The following NMNAT1 variants were observed in gnomAD, a reference collection of about 807,000 sequenced individuals.
NMNAT1 encodes nicotinamide/nicotinic acid mononucleotide adenylyltransferase 1.
A neutral mutation model predicts 16.7 loss-of-function variants in NMNAT1; 11 were observed. The ratio of observed to expected loss-of-function variants is 0.66; its 90% CI spans 0.41 to 1.09. NMNAT1 has a LOEUF of 1.09. NMNAT1 is among the 50% of genes least tolerant of loss of function. NMNAT1 has a pLI of 0.00. For synonymous variants in NMNAT1, 110 were observed against 119.8 expected, an observed-to-expected ratio of 0.92 and a Z score of 0.53; for missense variants, 280 against 332.3, an observed-to-expected ratio of 0.84 and a Z score of 1.22.
chr1:9,975,373 C>T (rs899960163), intron 2 of NMNAT1, among the ~76,000 whole-genome samples: 3 of 151,998 alleles, frequency 2.0e-5, no homozygotes, highest in African/African-American at 4.8e-5. Context: ...TGGTGGCATG[C>T]GCCCGTAATC....
At chr1:9,944,508 G>GTT (rs199503702) in intron 1 of NMNAT1, among the ~76,000 whole-genome samples, 2 of 151,462 alleles carry the variant, frequency 1.3e-5, no homozygotes, top group African/African-American at 4.8e-5. Flanking sequence ...CATCAGGGCA[G>GTT]TTTTTTTTTA....
At chr1:9,960,545 C>T (rs531053757) in intron 1 of NMNAT1, among the ~76,000 whole-genome samples, 12 of 152,236 alleles carry the variant, frequency 7.9e-5, no homozygotes, top group East Asian at 3.9e-4. Flanking sequence ...CAGGCCAAAA[C>T]GCAGTGGCTC....
At chr1:9,972,934 C>A (rs889885696) in intron 2 of NMNAT1, among the ~76,000 whole-genome samples, 1 of 152,132 alleles carries the variant, frequency 6.6e-6, no homozygotes, top group Non-Finnish European at 1.5e-5. Flanking sequence ...GCCCACCAGC[C>A]TGGACATCAG....
chr1:9,995,714 A>G, the NMNAT1 span, among the ~76,000 whole-genome samples: 1 of 151,760 alleles, frequency 6.6e-6, no homozygotes, highest in African/African-American at 2.4e-5. Flanking sequence ...ATAGAATAAA[A>G]TAAAATAAAA....
At chr1:9,946,055 T>G (rs1211276477) in intron 1 of NMNAT1, among the ~76,000 whole-genome samples, 2 of 152,120 alleles carry the variant, frequency 1.3e-5, no homozygotes, top group African/African-American at 4.8e-5. Context: ...CACCCAGCCT[T>G]CCCCTAATTT....
At chr1:9,968,080 G>GTTTTTTTTTTTTTTTTTTTTT (rs6143117) in intron 1 of NMNAT1, among the ~76,000 whole-genome samples, 1 of 117,774 alleles carries the variant, frequency 8.5e-6, no homozygotes, top group Non-Finnish European at 1.7e-5. Context: ...TTTTTTTTTT[G>GTTTTTTTTTTTTTTTTTTTTT]TTTTTTTTTG....
intron 1 of NMNAT1, among the ~76,000 whole-genome samples, chr1:9,955,221 G>A (rs1641226018): frequency 6.6e-6 from 1 of 152,022 alleles, no homozygotes; most frequent in Non-Finnish European, 1.5e-5. Flanking sequence ...TGGCCAACAT[G>A]GTGAAACCTC....
At chr1:9,968,400 T>G (rs923415990) in intron 1 of NMNAT1, among the ~76,000 whole-genome samples, 1 of 151,394 alleles carries the variant, frequency 6.6e-6, no homozygotes, top group Non-Finnish European at 1.5e-5. Context: ...GTCTTGGATC[T>G]GTATTGTTTC....
rs6143117 is a variant in NMNAT1, at chr1:9,968,080, G to GTTTTTTTTTTTTTTTTTTTTTTTT, written c.-56-3929_-56-3928insTTTTTTTTTTTTTTTTTTTTTTTT. ...TTTGCCAAATGTAGTTTTTTTTTTT[G>GTTTTTTTTTTTTTTTTTTTTTTTT]TTTTTTTTTGAGATGGAGTCTCGCT... On this transcript the variant is annotated intron_variant, in intron 1 of 4. Transcript: ENST00000377205. 7.0e-4 allele frequency among the ~76,000 whole-genome samples: 82 copies of GTTTTTTTTTTTTTTTTTTTTTTTT among 117,798 alleles called. 5 individuals are homozygous for GTTTTTTTTTTTTTTTTTTTTTTTT. The highest frequency in any genetic ancestry group is 1.0e-3 in the Non-Finnish European group (59 of 58,770). 77.3% of individuals were successfully genotyped at this position (117,798 alleles called of 152,430 possible).
At chr1:9,965,206 G>A (rs12128636) in intron 1 of NMNAT1, among the ~76,000 whole-genome samples, 116,427 of 147,904 alleles carry the variant, frequency 0.79, 48,214 homozygotes, top group Non-Finnish European at 0.92. Context: ...AGTCCCAGAT[G>A]CTCAGGAGGC....
intron 1 of NMNAT1, among the ~76,000 whole-genome samples, chr1:9,971,678 C>T (rs1284101300): frequency 1.3e-5 from 2 of 152,018 alleles, no homozygotes. Flanking sequence ...AGACCTATAA[C>T]TGGGCTGGGC....
At chr1:9,996,852 C>A in the NMNAT1 span, among the ~76,000 whole-genome samples, 3,678 of 152,188 alleles carry the variant, frequency 0.024, 51 homozygotes, top group African/African-American at 0.028. Flanking sequence ...TCTCAGGACT[C>A]CTTGTTAAGA....
At chr1:9,949,641 A>T in intron 1 of NMNAT1, 1 of 151,462 alleles carries the variant, frequency 6.6e-6, no homozygotes. Context: ...TTTTTAGTGG[A>T]GACGGAGTTT....
downstream of NMNAT1, among the ~76,000 whole-genome samples, chr1:9,986,822 C>T (rs1180979975): frequency 2.6e-5 from 4 of 152,060 alleles, no homozygotes; most frequent in African/African-American, 4.8e-5. Flanking sequence ...GCGGAGGTTA[C>T]AGTGAGCTGA....
At chr1:9,969,161 G>T (rs192422785) in intron 1 of NMNAT1, among the ~76,000 whole-genome samples, 2 of 152,052 alleles carry the variant, frequency 1.3e-5, no homozygotes, top group Non-Finnish European at 2.9e-5. Flanking sequence ...GTACTGACAG[G>T]TTACTGAACA....
chr1:9,987,374 C>T (rs977285762), downstream of NMNAT1, among the ~76,000 whole-genome samples: 2 of 152,072 alleles, frequency 1.3e-5, no homozygotes, highest in Non-Finnish European at 2.9e-5. Flanking sequence ...GGCGCAGTGG[C>T]TCACGCCTGT....
the NMNAT1 span, among the ~76,000 whole-genome samples, chr1:9,991,673 C>T: frequency 6.6e-6 from 1 of 152,066 alleles, no homozygotes; most frequent in Non-Finnish European, 1.5e-5. Flanking sequence ...ATGAAATCAA[C>T]ATGGGCTCTG....
At chr1:9,987,468 G>A (rs945926743), downstream of NMNAT1, among the ~76,000 whole-genome samples, 23 of 151,340 alleles carry the variant, frequency 1.5e-4, no homozygotes, top group African/African-American at 5.6e-4. Flanking sequence ...GTGGAACCCC[G>A]TCTCACTAAA....
At chr1:9,949,994 T>C (rs903133746) in intron 1 of NMNAT1, 1 of 152,170 alleles carries the variant, frequency 6.6e-6, no homozygotes, top group South Asian at 2.1e-4. Flanking sequence ...GATCTTTATT[T>C]GGGGTGAATT....
Sources: allele counts gnomAD v4.1 joint callset (sites outside exome capture counted in the v4.1 genomes callset), GRCh38; gene constraint gnomAD v4.1.1; transcripts MANE v1.5; gene names NCBI Gene and HGNC (gene_info 2026-07-23, HGNC 2026-07-21).